TNS3: variants seen among roughly 807,000 people sequenced by gnomAD.
TNS3 encodes the protein tensin-3.
A neutral mutation model predicts 140.9 loss-of-function variants in TNS3; 45 were observed. The observed-to-expected ratio is 0.32, with a 90% CI of 0.25 to 0.41. TNS3 has a LOEUF of 0.41. TNS3 is among the 10% of genes least tolerant of loss of function. TNS3 has a pLI of 1.00. For synonymous variants in TNS3, 815 were observed against 788.4 expected, an observed-to-expected ratio of 1.03 and a Z score of -0.56; for missense variants, 1,716 against 1,906.7, an observed-to-expected ratio of 0.90 and a Z score of 1.86.
At chr7:47,549,002 C>T (rs1799993133) in intron 1 of TNS3, among the ~76,000 whole-genome samples, 1 of 152,130 alleles carries the variant, frequency 6.6e-6, no homozygotes, top group Non-Finnish European at 1.5e-5. Context: ...GCAAGCCCTG[C>T]AAAATAAAGC....
intron 4 of TNS3, among the ~76,000 whole-genome samples, 162 bp from the exon 5 acceptor site, chr7:47,442,217 A>G (rs1351235344): frequency 6.6e-6 from 1 of 152,346 alleles, no homozygotes; most frequent in East Asian, 1.9e-4. Flanking sequence ...AGAAGGGTCT[A>G]CACCATGTTG....
chr7:47,554,183 C>G (rs951444731), intron 1 of TNS3, among the ~76,000 whole-genome samples: 5 of 150,910 alleles, frequency 3.3e-5, no homozygotes, highest in African/African-American at 4.9e-5. Flanking sequence ...CTTTGGGAGG[C>G]CAAGACGGGT....
chr7:47,411,272 GC>G (rs1259764344), intron 13 of TNS3, among the ~76,000 whole-genome samples: 2 of 152,344 alleles, frequency 1.3e-5, no homozygotes, highest in South Asian at 2.1e-4. Context: ...TTAACTAAAT[GC>G]CTTAAGGCAG....
intron 16 of TNS3, among the ~76,000 whole-genome samples, chr7:47,392,982 T>C (rs1792615820): frequency 6.6e-6 from 1 of 152,080 alleles, no homozygotes; most frequent in African/African-American, 2.4e-5. Context: ...AGCAATAAGA[T>C]CAAACGCACT....
intron 16 of TNS3, among the ~76,000 whole-genome samples, chr7:47,372,258 C>T (rs1791116690): frequency 6.6e-6 from 1 of 152,216 alleles, no homozygotes; most frequent in South Asian, 2.1e-4. Flanking sequence ...CAGCCCAGAG[C>T]ATGAGCCTAC....
chr7:47,490,229 C>G (rs895992252), intron 3 of TNS3, among the ~76,000 whole-genome samples: 17 of 152,198 alleles, frequency 1.1e-4, no homozygotes, highest in African/African-American at 3.6e-4. Context: ...TCCTCACCAG[C>G]TACATCTGAT....
intron 8 of TNS3, among the ~76,000 whole-genome samples, chr7:47,431,604 A>G (rs1335760816): frequency 6.6e-6 from 1 of 152,214 alleles, no homozygotes; most frequent in Non-Finnish European, 1.5e-5. Context: ...AAAACAAAAC[A>G]AAACACAAAA....
intron 2 of TNS3, among the ~76,000 whole-genome samples, chr7:47,517,813 C>T (rs1249813791): frequency 2.0e-5 from 3 of 152,078 alleles, no homozygotes; most frequent in Non-Finnish European, 4.4e-5. Context: ...GGGAGGGTTC[C>T]ACAGTCATTT....
chr7:47,515,604 C>G (rs961218876), intron 2 of TNS3, among the ~76,000 whole-genome samples: 1 of 152,040 alleles, frequency 6.6e-6, no homozygotes, highest in Non-Finnish European at 1.5e-5. Flanking sequence ...CCATCACCAT[C>G]ATGATCATCT....
In TNS3 at chr7:47,460,454, A is replaced by G. The variant is rs1796442892; in HGVS notation, c.-75-18399T>C. Among the ~76,000 whole-genome samples the G allele has an allele frequency of 2.0e-5, 3 of 152,164 alleles. No homozygotes were observed. The South Asian group carries it at 6.2e-4, about 32-fold the overall frequency. On this transcript the variant is annotated intron_variant, in intron 4 of 30. Transcript: ENST00000311160. ...TGCTTTGTCTTGGCAGCCTAAGCTGACTAAGACGACATCTGAAAGCTCTGA... is the reference window on the plus strand; with the variant it reads ...TGCTTTGTCTTGGCAGCCTAAGCTGGCTAAGACGACATCTGAAAGCTCTGA...
chr7:47,322,539 AACAC>A (rs71003393), intron 20 of TNS3, among the ~76,000 whole-genome samples: 20 of 150,958 alleles, frequency 1.3e-4, no homozygotes, highest in Non-Finnish European at 2.1e-4. Context: ...CAAACAAACA[AACAC>A]ACACACACAC....
chr7:47,386,181 A>C (rs555182993), intron 16 of TNS3, among the ~76,000 whole-genome samples: 74 of 152,368 alleles, frequency 4.9e-4, no homozygotes, highest in African/African-American at 1.4e-3. Flanking sequence ...AACACTAAAC[A>C]CATCTCTGGC....
intron 2 of TNS3, among the ~76,000 whole-genome samples, chr7:47,524,984 G>A (rs1057270007): frequency 6.6e-6 from 1 of 152,052 alleles, no homozygotes; most frequent in Non-Finnish European, 1.5e-5. Context: ...TTCAAGGGAT[G>A]AAAAAAGGTA....
At chr7:47,398,817 C>T (rs1314106920) in intron 15 of TNS3, among the ~76,000 whole-genome samples, 1 of 152,086 alleles carries the variant, frequency 6.6e-6, no homozygotes, top group Non-Finnish European at 1.5e-5. Context: ...TGGAATAGTA[C>T]TGCCAGAGCA....
At chr7:47,554,022 C>T (rs1020668798) in intron 1 of TNS3, among the ~76,000 whole-genome samples, 1 of 149,758 alleles carries the variant, frequency 6.7e-6, no homozygotes. Context: ...CCAGGCTGGT[C>T]TCGAACGCCT....
chr7:47,535,541 G>T (rs532040170), intron 1 of TNS3, among the ~76,000 whole-genome samples: 22 of 152,220 alleles, frequency 1.4e-4, no homozygotes, highest in Non-Finnish European at 2.4e-4. Flanking sequence ...TCTCCCAAAG[G>T]GGGAGAGGAG....
rs773279758 is a variant in TNS3 at position 47,297,197 on chromosome 7, C to T, written c.3561G>A (p.Lys1187=). Residue 1187 remains lysine (K), a synonymous_variant, in exon 24 of 31, where the codon AAG becomes AAA. Coordinates refer to ENST00000311160, the MANE Select transcript of TNS3 (RefSeq NM_022748.12). The part of the protein sequence containing the change: ...ISREQAIAML[K]DKEPGSFIVR... ...CAATGAATGAGCCCGGCTCCTTGTC[C>T]TTCAACATGGCGATGGCTGGAGAAA... The T allele has an allele frequency of 5.6e-6, 9 of 1,612,230 alleles. No individual in the cohort carries two copies. The highest frequency in any genetic ancestry group is 3.4e-5 in the Admixed American group (2 of 59,590).
At chr7:47,576,355 G>A (rs948183291) in intron 1 of TNS3, among the ~76,000 whole-genome samples, 1 of 149,734 alleles carries the variant, frequency 6.7e-6, no homozygotes, top group Admixed American at 6.6e-5. Flanking sequence ...AACCTGTGGA[G>A]GAACGACAAC....
Position 47,303,112 on chromosome 7 carries a change from G to A in TNS3, c.3295C>T (p.Pro1099Ser), listed in dbSNP as rs185351500. 2,745 of 1,614,066 alleles carry A rather than the reference G, an allele frequency of 1.7e-3. 53 individuals carry two copies. In the South Asian group the frequency reaches 0.026, roughly 16 times the overall value. Residue 1099 changes from proline (P) to serine (S), a missense_variant, in exon 22 of 31, where the codon CCT becomes TCT. By Grantham distance (74) the Pro-to-Ser change is moderately conservative. Coordinates refer to ENST00000311160, the MANE Select transcript of TNS3 (RefSeq NM_022748.12). ...GVTLPGQPPLPEKKRASEGDR... is the reference protein window; with the variant it reads ...GVTLPGQPPLSEKKRASEGDR... ...CCCTCCGAGGCCCGCTTCTTCTCAG[G>A]GAGGGGTGGCTGCCCGGGCAGGGTC...
Sources: gnomAD v4.1 joint callset for allele counts (sites outside exome capture counted in the v4.1 genomes callset) on GRCh38, gnomAD v4.1.1 for gene constraint, MANE v1.5 for transcripts, NCBI Gene and HGNC (gene_info 2026-07-23, HGNC 2026-07-21) for gene names.